Variants in STK32B observed in about 807,000 individuals in gnomAD.
The protein encoded by STK32B is serine/threonine-protein kinase 32B.
In STK32B, 43 loss-of-function variants were observed where a neutral mutation model predicts 52.6. The ratio of observed to expected loss-of-function variants is 0.82; its 90% CI spans 0.64 to 1.05. STK32B has a LOEUF of 1.05. STK32B is among the 50% of genes least tolerant of loss of function. STK32B has a pLI of 0.00. For synonymous variants in STK32B, 238 were observed against 204.3 expected (o/e 1.17, Z -1.41); for missense variants, 621 against 534.6 (o/e 1.16, Z -1.59).
intron 1 of STK32B, among the ~76,000 whole-genome samples, chr4:5,059,542 A>G (rs1742138865): frequency 6.6e-6 from 1 of 152,184 alleles, no homozygotes; most frequent in Non-Finnish European, 1.5e-5. Context: ...TCAACTTTTC[A>G]TTCTTGGGGT....
At chr4:5,335,229 T>C (rs1732574478) in intron 4 of STK32B, among the ~76,000 whole-genome samples, 1 of 152,226 alleles carries the variant, frequency 6.6e-6, no homozygotes. Context: ...TCGAGGAATT[T>C]ATCCATTTCT....
chr4:5,154,377 G>A (rs749494550), intron 2 of STK32B, among the ~76,000 whole-genome samples: 10 of 152,112 alleles, frequency 6.6e-5, no homozygotes, highest in Admixed American at 1.3e-4. Context: ...CACCAGGCCC[G>A]GTTAATTTTG....
chr4:5,068,896 C>T (rs1467401508), intron 1 of STK32B, among the ~76,000 whole-genome samples: 1 of 152,050 alleles, frequency 6.6e-6, no homozygotes, highest in Non-Finnish European at 1.5e-5. Flanking sequence ...GCATAGTTAC[C>T]TTTTGTGTGT....
At chr4:5,420,786 G>C (rs972664646) in intron 6 of STK32B, among the ~76,000 whole-genome samples, 1 of 152,214 alleles carries the variant, frequency 6.6e-6, no homozygotes, top group Non-Finnish European at 1.5e-5. Flanking sequence ...AGCCTCCTCT[G>C]TATTCCTACC....
chr4:5,092,819 G>C (rs1713169135), intron 1 of STK32B, among the ~76,000 whole-genome samples: 1 of 152,056 alleles, frequency 6.6e-6, no homozygotes, highest in African/African-American at 2.4e-5. Flanking sequence ...CTCCCACCCG[G>C]TCACACCTCC....
chr4:5,333,056 C>G (rs995502309), intron 4 of STK32B, among the ~76,000 whole-genome samples: 13 of 151,764 alleles, frequency 8.6e-5, no homozygotes, highest in African/African-American at 3.2e-4. Flanking sequence ...TTCTGGATCC[C>G]TGAGGAATCG....
chr4:5,493,592 G>A (rs1219237273), intron 11 of STK32B, among the ~76,000 whole-genome samples: 1 of 152,048 alleles, frequency 6.6e-6, no homozygotes, highest in African/African-American at 2.4e-5. Context: ...GTTCTGCTCT[G>A]ATTTTAGTTA....
At chr4:5,322,375 T>C (rs1303625847) in intron 3 of STK32B, among the ~76,000 whole-genome samples, 1 of 152,094 alleles carries the variant, frequency 6.6e-6, no homozygotes, top group African/African-American at 2.4e-5. Flanking sequence ...GAGGTGAGCA[T>C]AGTGAGTGAG....
intron 7 of STK32B, among the ~76,000 whole-genome samples, chr4:5,455,940 G>A (rs1716471264): frequency 6.6e-6 from 1 of 152,142 alleles, no homozygotes; most frequent in African/African-American, 2.4e-5. Context: ...CACGTGCCAG[G>A]GAAACTGTTG....
intron 3 of STK32B, among the ~76,000 whole-genome samples, chr4:5,285,852 A>C (rs962785380): frequency 1.3e-5 from 2 of 152,166 alleles, no homozygotes; most frequent in African/African-American, 2.4e-5. Flanking sequence ...TTCTTCCCAA[A>C]ATTCTCATGA....
At chr4:5,078,802 T>C (rs547122911) in intron 1 of STK32B, among the ~76,000 whole-genome samples, 148 of 152,136 alleles carry the variant, frequency 9.7e-4, no homozygotes, top group Non-Finnish European at 1.7e-3. Context: ...CCTCTATTAC[T>C]CTTCTCCCAG....
At chr4:5,181,041 G>C (rs926909546) in intron 3 of STK32B, among the ~76,000 whole-genome samples, 2 of 152,156 alleles carry the variant, frequency 1.3e-5, no homozygotes, top group Non-Finnish European at 2.9e-5. Context: ...GGGTGTGGGA[G>C]AGGAGGAAAG....
chr4:5,309,312 C>T (rs1730134562), intron 3 of STK32B, among the ~76,000 whole-genome samples: 1 of 151,770 alleles, frequency 6.6e-6, no homozygotes, highest in African/African-American at 2.4e-5. Flanking sequence ...AATGACCATA[C>T]TACAAAAAGT....
intron 1 of STK32B, among the ~76,000 whole-genome samples, chr4:5,100,694 T>TTTCC (rs1221091198): frequency 2.4e-5 from 1 of 40,920 alleles, no homozygotes; most frequent in Non-Finnish European, 4.4e-5. Context: ...ACTTTCTTTC[T>TTTCC]TTCCTTCCTT....
At chr4:5,194,926 C>G (rs1721522555) in intron 3 of STK32B, among the ~76,000 whole-genome samples, 1 of 152,198 alleles carries the variant, frequency 6.6e-6, no homozygotes, top group Non-Finnish European at 1.5e-5. Context: ...AGGGGTGGTG[C>G]TAACCCATTC....
intron 1 of STK32B, among the ~76,000 whole-genome samples, chr4:5,084,484 A>T (rs1712609192): frequency 6.6e-6 from 1 of 152,240 alleles, no homozygotes; most frequent in Non-Finnish European, 1.5e-5. Context: ...TTTATGAAGA[A>T]TTTGTAATGG....
intron 5 of STK32B, among the ~76,000 whole-genome samples, chr4:5,407,156 T>C (rs913555994): frequency 2.0e-5 from 3 of 152,086 alleles, no homozygotes; most frequent in South Asian, 2.1e-4. Flanking sequence ...AGTTCAAAAT[T>C]CCACATATCT....
At chr4:5,436,401 G>T (rs1714079420) in intron 6 of STK32B, among the ~76,000 whole-genome samples, 1 of 152,182 alleles carries the variant, frequency 6.6e-6, no homozygotes, top group Non-Finnish European at 1.5e-5. Context: ...GTTTAGAGCT[G>T]AAAGGACATG....
At chr4:5,026,208 C>G in the STK32B span, among the ~76,000 whole-genome samples, 80,995 of 152,098 alleles carry the variant, frequency 0.53, 22,281 homozygotes, top group East Asian at 0.88. Flanking sequence ...TAACCCTTTC[C>G]TGCAAGCTGT....
Sources: gnomAD v4.1 joint callset for allele counts (sites outside exome capture counted in the v4.1 genomes callset) on GRCh38, gnomAD v4.1.1 for gene constraint, MANE v1.5 for transcripts, NCBI Gene and HGNC (gene_info 2026-07-23, HGNC 2026-07-21) for gene names.